The following NSMCE2 variants were observed in gnomAD, a reference collection of about 807,000 sequenced individuals.
NSMCE2 encodes the protein E3 SUMO-protein ligase NSE2.
Under a neutral mutation model 23.8 loss-of-function variants are expected in NSMCE2, and 24 were observed. The observed-to-expected ratio is 1.01, with a 90% CI of 0.73 to 1.42. NSMCE2 has a LOEUF of 1.42. NSMCE2 is among the 40% of genes most tolerant of loss of function. The pLI, the probability that NSMCE2 is intolerant of heterozygous loss-of-function variation, is 0.00. For synonymous variants in NSMCE2, 92 were observed against 94.1 expected (o/e 0.98, Z 0.13); for missense variants, 284 against 296.5 (o/e 0.96, Z 0.31).
At chr8:125,174,926 G>T (rs1822405068) in intron 4 of NSMCE2, among the ~76,000 whole-genome samples, 1 of 152,186 alleles carries the variant, frequency 6.6e-6, no homozygotes, top group African/African-American at 2.4e-5. Context: ...TGTGCAACTG[G>T]CAACAGAAAC....
chr8:125,295,543 T>C (rs1828288533), intron 5 of NSMCE2, among the ~76,000 whole-genome samples: 1 of 152,170 alleles, frequency 6.6e-6, no homozygotes, highest in South Asian at 2.1e-4. Context: ...ATTCTCTTCA[T>C]TGGGCTGCAC....
At chr8:125,098,573 A>G (rs1818043689) in intron 1 of NSMCE2, among the ~76,000 whole-genome samples, 1 of 152,068 alleles carries the variant, frequency 6.6e-6, no homozygotes, top group Non-Finnish European at 1.5e-5. Context: ...CAGGCAAGAG[A>G]TGATGGTTTG....
chr8:125,096,369 C>T (rs1817929341), intron 1 of NSMCE2, among the ~76,000 whole-genome samples: 1 of 152,134 alleles, frequency 6.6e-6, no homozygotes, highest in African/African-American at 2.4e-5. Flanking sequence ...CTTACCTGCC[C>T]TGAGAAATAG....
intron 4 of NSMCE2, among the ~76,000 whole-genome samples, chr8:125,161,109 T>C (rs941455056): frequency 2.0e-5 from 3 of 152,220 alleles, no homozygotes; most frequent in Non-Finnish European, 4.4e-5. Flanking sequence ...GGAAAAGTTC[T>C]TTCATTGTGC....
rs75640995 is a variant in NSMCE2, at chr8:125,335,524, T to G, written c.419-21695T>G. ...CCCTCTCTAAGAATATTAGAGATAG[T>G]TATGGATAGCCAGCCAGGAGGTAAC... On this transcript the variant is annotated intron_variant, in intron 5 of 7. Transcript: ENST00000287437. Among the ~76,000 whole-genome samples the G allele has an allele frequency of 6.9e-3, 1,044 of 152,274 alleles. 15 individuals are homozygous for G. Among genetic ancestry groups the G allele is most frequent in the African/African-American group, 0.023 (951 of 41,554 alleles).
rs747401844 is a variant in NSMCE2 at position 125,320,338 on chromosome 8, T to G, written c.419-36881T>G. Among the ~76,000 whole-genome samples, 84 of 150,468 alleles carry G rather than the reference T, an allele frequency of 5.6e-4. 1 individual carries two copies. The Middle Eastern group carries it at 0.024, about 43-fold the overall frequency. On this transcript the variant is annotated intron_variant, in intron 5 of 7. Transcript: ENST00000287437. ...GGGAAGGAAGGGAAGGAAGGCAGGCTGAAAATTTTCCAAATTTCATGAAAA... is the reference window on the plus strand; with the variant it reads ...GGGAAGGAAGGGAAGGAAGGCAGGCGGAAAATTTTCCAAATTTCATGAAAA...
chr8:125,352,471 C>A, intron 5 of NSMCE2, among the ~76,000 whole-genome samples: 1 of 143,810 alleles, frequency 7.0e-6, no homozygotes, highest in Non-Finnish European at 1.5e-5. Flanking sequence ...AGTGAAAATC[C>A]ATCTCAAAAA....
At chr8:125,334,750 A>C (rs1391579363) in intron 5 of NSMCE2, among the ~76,000 whole-genome samples, 1 of 151,412 alleles carries the variant, frequency 6.6e-6, no homozygotes, top group Non-Finnish European at 1.5e-5. Flanking sequence ...ATTGGGCCAA[A>C]AAAGATTATG....
chr8:125,232,699 C>A (rs1825378118), intron 5 of NSMCE2, among the ~76,000 whole-genome samples: 1 of 152,116 alleles, frequency 6.6e-6, no homozygotes, highest in Non-Finnish European at 1.5e-5. Context: ...AATTTTGTTT[C>A]ATTTCTACAC....
intron 5 of NSMCE2, among the ~76,000 whole-genome samples, chr8:125,236,915 G>A (rs777613095): frequency 1.4e-4 from 22 of 151,798 alleles, no homozygotes; most frequent in Non-Finnish European, 5.9e-5. Context: ...CTGGTACATA[G>A]TAGAGGGTCT....
rs916935998 is a variant in NSMCE2 at position 125,292,134 on chromosome 8, T to C, written c.419-65085T>C. On this transcript the variant is annotated intron_variant, in intron 5 of 7. Transcript: ENST00000287437. ...CAAGGAGGGCTGGACAAAGGTATAGTTGGGGACTCAGGAAGAAGAGAGTAT... is the reference window on the plus strand; with the variant it reads ...CAAGGAGGGCTGGACAAAGGTATAGCTGGGGACTCAGGAAGAAGAGAGTAT... Among the ~76,000 whole-genome samples the C allele has an allele frequency of 4.0e-5, 6 of 151,570 alleles. No individual in the cohort carries two copies. In the East Asian group the frequency reaches 5.8e-4, roughly 15 times the overall value.
intron 7 of NSMCE2, among the ~76,000 whole-genome samples, chr8:125,358,915 A>C (rs1813403532): frequency 6.6e-6 from 1 of 152,170 alleles, no homozygotes; most frequent in African/African-American, 2.4e-5. Flanking sequence ...ATGGTTGCAA[A>C]ATGTAGACAT....
At chr8:125,237,000 A>T (rs1025181641) in intron 5 of NSMCE2, among the ~76,000 whole-genome samples, 10 of 152,240 alleles carry the variant, frequency 6.6e-5, no homozygotes, top group Non-Finnish European at 1.2e-4. Flanking sequence ...CAGTAGTTAT[A>T]CATTTCCTCT....
At chr8:125,319,054 C>T (rs1248787841) in intron 5 of NSMCE2, among the ~76,000 whole-genome samples, 1 of 152,070 alleles carries the variant, frequency 6.6e-6, no homozygotes, top group Non-Finnish European at 1.5e-5. Context: ...GTGCCTGGAA[C>T]TCACACAGGG....
At chr8:125,168,121 A>T (rs551643575) in intron 4 of NSMCE2, among the ~76,000 whole-genome samples, 5 of 151,350 alleles carry the variant, frequency 3.3e-5, no homozygotes, top group African/African-American at 1.2e-4. Context: ...GAAAGATTTT[A>T]TTTTTTTTTG....
In NSMCE2 at chr8:125,274,879, A is replaced by G. The variant is rs186190509; in HGVS notation, c.419-82340A>G. ...TGGGAGGCGGAGGTTGCAGTGAGCC[A>G]AGATCGCGCCATTGCACTCCAGCCT... On this transcript the variant is annotated intron_variant, in intron 5 of 7. Coordinates refer to ENST00000287437, the MANE Select transcript of NSMCE2 (RefSeq NM_173685.4). Among the ~76,000 whole-genome samples, 146 of 151,206 alleles carry G rather than the reference A, an allele frequency of 9.7e-4. No homozygotes were observed. In the Middle Eastern group the frequency reaches 0.01, roughly 11 times the overall value.
At chr8:125,187,122 A>G (rs1823142831) in intron 5 of NSMCE2, among the ~76,000 whole-genome samples, 1 of 152,230 alleles carries the variant, frequency 6.6e-6, no homozygotes. Context: ...CTAGTACAGC[A>G]TAATGGAAAG....
intron 5 of NSMCE2, among the ~76,000 whole-genome samples, chr8:125,322,493 C>T (rs895605400): frequency 1.3e-5 from 2 of 152,188 alleles, no homozygotes; most frequent in East Asian, 1.9e-4. Context: ...TAATGAGCAT[C>T]TATGAAAAGC....
At chr8:125,307,877 C>T (rs543543894) in intron 5 of NSMCE2, among the ~76,000 whole-genome samples, 25 of 152,286 alleles carry the variant, frequency 1.6e-4, no homozygotes, top group South Asian at 1.5e-3. Context: ...CAGATGTGTT[C>T]GGCTTGACCC....
Sources: allele counts gnomAD v4.1 joint callset (sites outside exome capture counted in the v4.1 genomes callset), GRCh38; gene constraint gnomAD v4.1.1; transcripts MANE v1.5; gene names NCBI Gene and HGNC (gene_info 2026-07-23, HGNC 2026-07-21).